The following ANO3 variants were observed in gnomAD, a reference collection of about 807,000 sequenced individuals.
ANO3 encodes the protein anoctamin-3.
ANO3 carries 99 observed loss-of-function variants against 144.8 expected under a neutral mutation model. That is an observed-to-expected ratio of 0.68 (90% CI 0.58 to 0.81). The LOEUF (loss-of-function observed/expected upper bound fraction) is 0.81, where lower values mean the gene tolerates loss of function less well. ANO3 is among the 30% of genes least tolerant of loss of function. The pLI is 0.00. For missense variants in ANO3, 905 were observed against 1,202.2 expected, an observed-to-expected ratio of 0.75 and a Z score of 3.66; for synonymous variants, 414 against 392.6, an observed-to-expected ratio of 1.05 and a Z score of -0.64.
intron 1 of ANO3, among the ~76,000 whole-genome samples, chr11:26,191,899 A>G (rs1380411970): frequency 6.6e-6 from 1 of 152,130 alleles, no homozygotes; most frequent in African/African-American, 2.4e-5. Context: ...TTATAACTAT[A>G]TAGTATGCCA....
At chr11:26,510,082 C>T (rs1490109573) in intron 5 of ANO3, among the ~76,000 whole-genome samples, 2 of 138,052 alleles carry the variant, frequency 1.4e-5, no homozygotes, top group South Asian at 2.2e-4. Flanking sequence ...TGCAGTGAGC[C>T]GAGATCATGC....
chr11:26,420,256 G>A (rs897918353), intron 1 of ANO3, among the ~76,000 whole-genome samples: 2 of 151,628 alleles, frequency 1.3e-5, no homozygotes, highest in African/African-American at 4.8e-5. Flanking sequence ...TACAGTATAT[G>A]GAAAAAAAAT....
At chr11:26,305,479 G>A (rs1854359600), upstream of ANO3, among the ~76,000 whole-genome samples, 1 of 151,900 alleles carries the variant, frequency 6.6e-6, no homozygotes, top group Non-Finnish European at 1.5e-5. Flanking sequence ...CGAGACAGAA[G>A]AGAGACCTAA....
At position 26,590,780 on chromosome 11, in the gene ANO3, C is replaced by T. The variant is rs1461187061; in HGVS notation, c.1448-7585C>T. Among the ~76,000 whole-genome samples the T allele has an allele frequency of 3.3e-5, 5 of 152,268 alleles. No homozygotes were observed. In the East Asian group the frequency reaches 7.7e-4, roughly 23 times the overall value. ...AGCACAGCGGACACCCTGCTGGATC[C>T]GGAGGGGTGGAAGTCAGTGGCGGGT... is the stretch of plus-strand genomic sequence containing the variant. On this transcript the variant is annotated intron_variant, in intron 14 of 26. Coordinates refer to ENST00000256737, the MANE Select transcript of ANO3 (RefSeq NM_031418.4).
intron 1 of ANO3, among the ~76,000 whole-genome samples, chr11:26,223,741 T>C: frequency 6.6e-6 from 1 of 151,948 alleles, no homozygotes; most frequent in East Asian, 1.9e-4. Flanking sequence ...AGGTCGTTTT[T>C]ACTCATGGCA....
At chr11:26,580,486 A>G (rs1173083941) in intron 14 of ANO3, among the ~76,000 whole-genome samples, 3 of 152,240 alleles carry the variant, frequency 2.0e-5, no homozygotes, top group African/African-American at 7.2e-5. Context: ...ATGTATTCAG[A>G]TCTTATTTCT....
Position 26,424,675 on chromosome 11 carries a change from C to T in ANO3, c.47-17243C>T, listed in dbSNP as rs139043800. 8.8e-4 allele frequency among the ~76,000 whole-genome samples: 134 copies of T among 152,150 alleles called. 1 individual carries two copies. The highest frequency in any genetic ancestry group is 2.5e-3 in the South Asian group (12 of 4,822). On this transcript the variant is annotated intron_variant, in intron 1 of 26. Coordinates refer to ENST00000256737, the MANE Select transcript of ANO3 (RefSeq NM_031418.4). ...AGAAAGCTGATCACTTAATATTCTA[C>T]ATCAGTATTTCTTAAACAAGAGAAA...
Position 26,661,220 on chromosome 11 carries a change from A to G in ANO3, c.*776A>G, listed in dbSNP as rs1297537015. The G allele has an allele frequency of 6.6e-6, 1 of 152,616 alleles. No homozygotes were observed. The highest frequency in any genetic ancestry group is 1.9e-4 in the East Asian group (1 of 5,194). 9.5% of individuals were successfully genotyped at this position (152,616 alleles called of 1,614,324 possible). A position where few individuals can be genotyped will look rare whatever the true frequency, so the allele number is the denominator to read the frequency against. On this transcript the variant is annotated 3_prime_UTR_variant, in exon 27 of 27. Coordinates refer to ENST00000256737, the MANE Select transcript of ANO3 (RefSeq NM_031418.4). The stretch of plus-strand genomic sequence containing the variant: ...AAAGCCACATACTTATAAACTATGA[A>G]TGGCTATTCTTATATAGTTTAGAAC...
intron 8 of ANO3, among the ~76,000 whole-genome samples, 156 bp from the exon 9 acceptor site, chr11:26,534,300 T>C (rs936705082): frequency 6.6e-6 from 1 of 152,186 alleles, no homozygotes; most frequent in Admixed American, 6.5e-5. Flanking sequence ...CTTGTATTAT[T>C]TATGAATTCT....
intron 1 of ANO3, among the ~76,000 whole-genome samples, chr11:26,293,296 T>A (rs2133855629): frequency 6.6e-6 from 1 of 151,966 alleles, no homozygotes; most frequent in South Asian, 2.1e-4. Context: ...TTCAAAGAAT[T>A]TTTGAAAAAA....
intron 1 of ANO3, among the ~76,000 whole-genome samples, chr11:26,203,327 A>C (rs1400278805): frequency 6.6e-6 from 1 of 152,134 alleles, no homozygotes; most frequent in East Asian, 1.9e-4. Context: ...ATTGTACGCT[A>C]CCTTTTTAGT....
At chr11:26,538,382 A>G (rs1849563885) in intron 10 of ANO3, among the ~76,000 whole-genome samples, 1 of 152,218 alleles carries the variant, frequency 6.6e-6, no homozygotes, top group South Asian at 2.1e-4. Flanking sequence ...AAATAATAAC[A>G]GGAAATATGT....
chr11:26,648,011 A>G (rs1284565888), intron 24 of ANO3, among the ~76,000 whole-genome samples, 155 bp downstream of exon 24: 2 of 152,194 alleles, frequency 1.3e-5, no homozygotes, highest in Non-Finnish European at 2.9e-5. Context: ...CAAGGTAAAA[A>G]GGACAACAGT....
At chr11:26,398,393 G>T (rs1857070168) in intron 1 of ANO3, among the ~76,000 whole-genome samples, 1 of 151,986 alleles carries the variant, frequency 6.6e-6, no homozygotes, top group Non-Finnish European at 1.5e-5. Context: ...GAGAGAATGA[G>T]GTTGGAAAGG....
intron 4 of ANO3, among the ~76,000 whole-genome samples, chr11:26,494,883 T>G (rs1378768113): frequency 2.0e-5 from 3 of 152,110 alleles, no homozygotes; most frequent in Non-Finnish European, 2.9e-5. Flanking sequence ...TTTCTCCAGA[T>G]ATTGCCTATT....
chr11:26,472,158 G>A (rs1859806456), intron 4 of ANO3, among the ~76,000 whole-genome samples: 1 of 151,882 alleles, frequency 6.6e-6, no homozygotes, highest in Non-Finnish European at 1.5e-5. Context: ...TTCTCTAGTT[G>A]TTCAGACATG....
chr11:26,215,801 A>C (rs1852024603), intron 1 of ANO3, among the ~76,000 whole-genome samples: 1 of 151,920 alleles, frequency 6.6e-6, no homozygotes, highest in South Asian at 2.1e-4. Context: ...ACTCTAATCC[A>C]TTACCAGATA....
At chr11:26,376,656 TA>T (rs3061028) in intron 1 of ANO3, among the ~76,000 whole-genome samples, 4,464 of 147,010 alleles carry the variant, frequency 0.03, 167 homozygotes, top group African/African-American at 0.086. Flanking sequence ...AAAAGTTGAG[TA>T]AAAAAAAAAA....
intron 1 of ANO3, among the ~76,000 whole-genome samples, chr11:26,369,252 A>G (rs1351253406): frequency 1.3e-5 from 2 of 152,194 alleles, no homozygotes; most frequent in African/African-American, 4.8e-5. Context: ...TGAAATTCTT[A>G]TCAGATTTCA....
Sources: allele counts gnomAD v4.1 joint callset (sites outside exome capture counted in the v4.1 genomes callset), GRCh38; gene constraint gnomAD v4.1.1; transcripts MANE v1.5; gene names NCBI Gene and HGNC (gene_info 2026-07-23, HGNC 2026-07-21).